TAS2R1: variants seen among roughly 807,000 people sequenced by gnomAD.
The protein encoded by TAS2R1 is taste receptor type 2 member 1.
For synonymous variants in TAS2R1, 141 were observed against 134.2 expected (o/e 1.05, Z -0.35); for missense variants, 370 against 353.4 (o/e 1.05, Z -0.38).
At chr5:9,872,697 C>A in the TAS2R1 span, among the ~76,000 whole-genome samples, 1 of 152,206 alleles carries the variant, frequency 6.6e-6, no homozygotes, top group Admixed American at 6.6e-5. Flanking sequence ...TACCCTTGGG[C>A]TACTAACCAA....
the TAS2R1 span, among the ~76,000 whole-genome samples, chr5:9,840,341 G>A: frequency 6.6e-6 from 1 of 152,146 alleles, no homozygotes; most frequent in Non-Finnish European, 1.5e-5. Flanking sequence ...CTCTTTCAGA[G>A]TTCTTTATCT....
At chr5:9,803,709 A>G in the TAS2R1 span, among the ~76,000 whole-genome samples, 1 of 152,210 alleles carries the variant, frequency 6.6e-6, no homozygotes. Flanking sequence ...ATTTGCCACT[A>G]TGAAGCCACC....
chr5:9,777,675 T>C, the TAS2R1 span, among the ~76,000 whole-genome samples: 8 of 152,206 alleles, frequency 5.3e-5, no homozygotes, highest in African/African-American at 1.9e-4. Context: ...AGGCTTCGAA[T>C]TTGCTTTGCC....
the TAS2R1 span, among the ~76,000 whole-genome samples, chr5:9,774,970 A>G: frequency 2.0e-5 from 3 of 152,140 alleles, no homozygotes; most frequent in South Asian, 6.2e-4. Context: ...GGGCTCTACA[A>G]TCAGCAGCTG....
intron 1 of TAS2R1, among the ~76,000 whole-genome samples, chr5:9,697,282 A>C (rs779564120): frequency 3.3e-5 from 5 of 152,188 alleles, no homozygotes; most frequent in Non-Finnish European, 5.9e-5. Context: ...AATTTTGTTC[A>C]CGTTCAAAAT....
At chr5:9,814,492 T>C in the TAS2R1 span, among the ~76,000 whole-genome samples, 729 of 152,312 alleles carry the variant, frequency 4.8e-3, 4 homozygotes, top group African/African-American at 0.016. Flanking sequence ...TTCATCCAGA[T>C]ATTCCATGAA....
At chr5:9,754,623 C>T in the TAS2R1 span, among the ~76,000 whole-genome samples, 85 of 152,242 alleles carry the variant, frequency 5.6e-4, no homozygotes, top group Non-Finnish European at 3.4e-4. Context: ...AGCCAAATCA[C>T]GAGTGAACTC....
At chr5:9,895,159 G>C in the TAS2R1 span, among the ~76,000 whole-genome samples, 82 of 152,276 alleles carry the variant, frequency 5.4e-4, no homozygotes, top group East Asian at 7.7e-3. Context: ...GTGTGTGAAG[G>C]GGGGTGATGG....
the TAS2R1 span, among the ~76,000 whole-genome samples, chr5:9,736,700 C>A: frequency 6.6e-6 from 1 of 152,132 alleles, no homozygotes; most frequent in African/African-American, 2.4e-5. Context: ...GCTGGGGAAT[C>A]CAAATTAAGT....
the TAS2R1 span, among the ~76,000 whole-genome samples, chr5:9,834,187 A>T: frequency 1.3e-5 from 2 of 152,184 alleles, no homozygotes; most frequent in Non-Finnish European, 2.9e-5. Flanking sequence ...AGGAGCTAGG[A>T]GCTGGGAGCT....
the TAS2R1 span, among the ~76,000 whole-genome samples, chr5:9,840,300 C>T: frequency 6.6e-5 from 10 of 152,196 alleles, no homozygotes; most frequent in Non-Finnish European, 1.3e-4. Context: ...ATTAACTCAT[C>T]CAACCATCGA....
the TAS2R1 span, among the ~76,000 whole-genome samples, chr5:9,837,669 C>A: frequency 6.6e-6 from 1 of 152,222 alleles, no homozygotes; most frequent in Non-Finnish European, 1.5e-5. Context: ...ATTGCACACA[C>A]ACGTCTCCAC....
the TAS2R1 span, among the ~76,000 whole-genome samples, chr5:9,850,817 G>C: frequency 6.6e-6 from 1 of 152,212 alleles, no homozygotes; most frequent in Non-Finnish European, 1.5e-5. Context: ...CCCGTCCAAA[G>C]AGCAAAAGCA....
the TAS2R1 span, among the ~76,000 whole-genome samples, chr5:9,730,723 A>G: frequency 2.6e-5 from 4 of 152,108 alleles, no homozygotes; most frequent in South Asian, 8.4e-4. Flanking sequence ...CTGTGTCCCC[A>G]CCCAAATCTC....
At chr5:9,642,424 T>G (rs1253221465) in intron 2 of TAS2R1, among the ~76,000 whole-genome samples, 2 of 152,180 alleles carry the variant, frequency 1.3e-5, no homozygotes, top group African/African-American at 4.8e-5. Context: ...TTTCTGAATC[T>G]TCCCGATAGC....
At chr5:9,764,419 A>G in the TAS2R1 span, among the ~76,000 whole-genome samples, 1 of 152,210 alleles carries the variant, frequency 6.6e-6, no homozygotes, top group African/African-American at 2.4e-5. Flanking sequence ...ATTTCTGGCT[A>G]GCATTTTCGA....
Position 9,708,643 on chromosome 5 carries a change from C to T in TAS2R1, c.-242+3529G>A, listed in dbSNP as rs142096638. 8.0e-3 allele frequency among the ~76,000 whole-genome samples: 1,212 copies of T among 151,802 alleles called. 22 individuals carry two copies. Among genetic ancestry groups the T allele is most frequent in the African/African-American group, 0.028 (1,145 of 41,390 alleles). On this transcript the variant is annotated intron_variant, in intron 1 of 2. Coordinates refer to the TAS2R1 transcript ENST00000506620. ...TCCTCATGACTGCTACCTGGGTTTACGCCCTCTTCCTTTCATAGTTTTTAT... is the reference window on the plus strand; with the variant it reads ...TCCTCATGACTGCTACCTGGGTTTATGCCCTCTTCCTTTCATAGTTTTTAT...
chr5:9,900,577 T>C, the TAS2R1 span, among the ~76,000 whole-genome samples: 1 of 151,538 alleles, frequency 6.6e-6, no homozygotes, highest in East Asian at 1.9e-4. Context: ...TCATTATGTA[T>C]AGGATATCAC....
At chr5:9,805,342 T>C in the TAS2R1 span, among the ~76,000 whole-genome samples, 8 of 152,160 alleles carry the variant, frequency 5.3e-5, no homozygotes, top group Admixed American at 5.2e-4. Context: ...AACAATCCTA[T>C]TGACACTATT....
Sources: allele counts gnomAD v4.1 joint callset (sites outside exome capture counted in the v4.1 genomes callset), GRCh38; gene constraint gnomAD v4.1.1; transcripts MANE v1.5; gene names NCBI Gene and HGNC (gene_info 2026-07-23, HGNC 2026-07-21).